Variants in TDRD12 observed in about 807,000 individuals in gnomAD.
The protein encoded by TDRD12 is tudor domain containing 12.
TDRD12 carries 158 observed loss-of-function variants against 133.5 expected under a neutral mutation model. The ratio of observed to expected loss-of-function variants is 1.18; its 90% CI spans 1.04 to 1.35. The LOEUF (loss-of-function observed/expected upper bound fraction) is 1.35. Among genes scored for constraint, TDRD12 ranks in the 40% most tolerant of loss-of-function variants. The pLI is 0.00. For missense variants in TDRD12, 1,443 were observed against 1,321.3 expected, an observed-to-expected ratio of 1.09 and a Z score of -1.43; for synonymous variants, 460 against 477.9, an observed-to-expected ratio of 0.96 and a Z score of 0.49.
intron 22 of TDRD12, among the ~76,000 whole-genome samples, chr19:32,808,657 G>C (rs1966897390): frequency 6.6e-6 from 1 of 152,154 alleles, no homozygotes; most frequent in Non-Finnish European, 1.5e-5. Flanking sequence ...GTTAGGACAT[G>C]GACATACCTC....
intron 2 of TDRD12, among the ~76,000 whole-genome samples, chr19:32,735,901 T>C (rs1451912447): frequency 1.3e-5 from 2 of 151,806 alleles, no homozygotes; most frequent in Non-Finnish European, 2.9e-5. Context: ...ACCCGGGAGG[T>C]GGAGGCTGCA....
intron 2 of TDRD12, among the ~76,000 whole-genome samples, chr19:32,733,219 A>C (rs1321529264): frequency 6.6e-6 from 1 of 152,208 alleles, no homozygotes; most frequent in Non-Finnish European, 1.5e-5. Context: ...CTGTAATCCC[A>C]GCACTTTGGG....
chr19:32,743,181 A>G (rs561448273), intron 4 of TDRD12, among the ~76,000 whole-genome samples: 2 of 152,398 alleles, frequency 1.3e-5, no homozygotes, highest in Admixed American at 6.5e-5. Context: ...GGAGTATTAT[A>G]CATGTGTACA....
At chr19:32,739,481 A>G (rs1233820788) in intron 3 of TDRD12, among the ~76,000 whole-genome samples, 1 of 129,428 alleles carries the variant, frequency 7.7e-6, no homozygotes, top group East Asian at 2.3e-4. Context: ...TTCTTCCTGC[A>G]TCTCCTGGGG....
At chr19:32,727,812 G>A (rs1286783120) in intron 1 of TDRD12, among the ~76,000 whole-genome samples, 1 of 152,146 alleles carries the variant, frequency 6.6e-6, no homozygotes, top group Non-Finnish European at 1.5e-5. Flanking sequence ...GGGATTACGG[G>A]CATGTACCAC....
At chr19:32,748,799 T>G (rs1969734661) in intron 5 of TDRD12, among the ~76,000 whole-genome samples, 2 of 152,242 alleles carry the variant, frequency 1.3e-5, no homozygotes, top group African/African-American at 4.8e-5. Context: ...ACCTGCCTCT[T>G]CGTTTGCATA....
chr19:32,812,102 G>A (rs573188012), intron 24 of TDRD12, among the ~76,000 whole-genome samples: 1 of 152,368 alleles, frequency 6.6e-6, no homozygotes, highest in African/African-American at 2.4e-5. Context: ...GGCGTTGAAA[G>A]CAAAGAGAAC....
intron 6 of TDRD12, among the ~76,000 whole-genome samples, chr19:32,754,349 G>A (rs756777303): frequency 4.9e-4 from 75 of 152,000 alleles, no homozygotes; most frequent in Non-Finnish European, 9.4e-4. Flanking sequence ...TGCACCTGTA[G>A]TCCTAGCTAC....
rs1421070073 is a variant in TDRD12 at position 32,742,896 on chromosome 19, AT to A, written c.438del (p.Ile146MetfsTer19). On this transcript the variant is annotated frameshift_variant, in exon 4 of 28. Coordinates refer to ENST00000444215, the Ensembl canonical transcript of TDRD12. LOFTEE classifies it high-confidence loss of function. ...TGACTTCTGCCGAGACAGTACTGAC[AT>A]TGTGTAAGTACAGTTTCTTAAGTCC... 1 of 1,551,516 alleles carries A rather than the reference AT, an allele frequency of 6.4e-7. No homozygotes were observed. The highest frequency in any genetic ancestry group is 1.2e-5 in the South Asian group (1 of 83,942).
At chr19:32,727,857 G>A (rs924487850) in intron 1 of TDRD12, among the ~76,000 whole-genome samples, 2 of 151,982 alleles carry the variant, frequency 1.3e-5, no homozygotes, top group African/African-American at 4.8e-5. Flanking sequence ...TAGTAGAGAC[G>A]GGATTTCACC....
At chr19:32,779,270 C>G (rs982183439) in intron 11 of TDRD12, among the ~76,000 whole-genome samples, 1 of 152,192 alleles carries the variant, frequency 6.6e-6, no homozygotes, top group African/African-American at 2.4e-5. Flanking sequence ...GCCAGGTGTC[C>G]CACTAGCCTC....
At chr19:32,766,453 G>T (rs1217146739) in intron 8 of TDRD12, among the ~76,000 whole-genome samples, 2 of 152,114 alleles carry the variant, frequency 1.3e-5, no homozygotes, top group African/African-American at 4.8e-5. Flanking sequence ...TACTCTTTCT[G>T]ATATAATGTA....
chr19:32,795,824 A>G (rs1329958092), intron 14 of TDRD12, among the ~76,000 whole-genome samples: 2 of 152,166 alleles, frequency 1.3e-5, no homozygotes, highest in African/African-American at 4.8e-5. Context: ...AGGGGGAGCA[A>G]GTGTGACACA....
chr19:32,781,741 C>T (rs182960722), intron 11 of TDRD12, among the ~76,000 whole-genome samples: 4 of 151,192 alleles, frequency 2.6e-5, no homozygotes, highest in South Asian at 4.2e-4. Context: ...CCTTTGTTGC[C>T]GGTGTTTGGA....
intron 11 of TDRD12, among the ~76,000 whole-genome samples, chr19:32,778,622 C>G (rs1230496432): frequency 6.6e-6 from 1 of 152,108 alleles, no homozygotes; most frequent in African/African-American, 2.4e-5. Flanking sequence ...GCCTCAGCCT[C>G]CTGAGTAGCT....
At chr19:32,732,310 A>C (rs1024089955) in intron 2 of TDRD12, among the ~76,000 whole-genome samples, 1 of 152,014 alleles carries the variant, frequency 6.6e-6, no homozygotes, top group African/African-American at 2.4e-5. Context: ...CAGCCAGTGT[A>C]AGGTTCTTTA....
intron 25 of TDRD12, 59 bp from the exon 26 acceptor site, chr19:32,815,389 T>C (rs968654403): frequency 1.9e-5 from 26 of 1,403,082 alleles, no homozygotes; most frequent in African/African-American, 2.9e-5. Context: ...GGAATGTCTA[T>C]GCTTCAGTTA....
intron 11 of TDRD12, among the ~76,000 whole-genome samples, chr19:32,781,822 T>C (rs1430983094): frequency 6.6e-6 from 1 of 152,104 alleles, no homozygotes; most frequent in Admixed American, 6.6e-5. Context: ...TTCCAGTGTG[T>C]AGCCTCATGT....
At chr19:32,779,634 G>A (rs1279107603) in intron 11 of TDRD12, among the ~76,000 whole-genome samples, 6 of 151,894 alleles carry the variant, frequency 4.0e-5, no homozygotes, top group Non-Finnish European at 8.8e-5. Context: ...AGGGCTTCTG[G>A]AGGTGGCAAG....
Sources: allele counts gnomAD v4.1 joint callset (sites outside exome capture counted in the v4.1 genomes callset), GRCh38; gene constraint gnomAD v4.1.1; transcripts MANE v1.5; gene names NCBI Gene and HGNC (gene_info 2026-07-23, HGNC 2026-07-21).